Variants in GLIPR1L1 observed in about 807,000 individuals in gnomAD.
GLIPR1L1 encodes GLIPR1 like 1.
A neutral mutation model predicts 29.9 loss-of-function variants in GLIPR1L1; 26 were observed. That is an observed-to-expected ratio of 0.87 (90% CI 0.64 to 1.21). The LOEUF (loss-of-function observed/expected upper bound fraction) is 1.21. Ranked by LOEUF, GLIPR1L1 falls within the 50% of genes most tolerant of loss-of-function variation. GLIPR1L1 has a pLI of 0.00. For missense variants in GLIPR1L1, 305 were observed against 290.3 expected (o/e 1.05, Z -0.37); for synonymous variants, 77 against 97.5 (o/e 0.79, Z 1.24).
At position 75,364,957 on chromosome 12, in the gene GLIPR1L1, T is replaced by C. The variant is rs1362245783; in HGVS notation, c.610+1767T>C. ...CAAATTATTTATGGTTAGAATGGAT[T>C]AAAAGGTGCCACATAACAGCTCAGA... is the stretch of plus-strand genomic sequence containing the variant. On this transcript the variant is annotated intron_variant, in intron 4 of 5. Transcript: ENST00000378695. 2.0e-5 allele frequency: 3 copies of C among 152,180 alleles called. No homozygotes were observed. In the East Asian group the frequency reaches 5.8e-4, roughly 29 times the overall value. The allele number at this position is 152,180 out of a possible 1,614,324, so 9.4% of individuals were successfully genotyped here.
At chr12:75,361,127 C>T (rs2043557257) in intron 3 of GLIPR1L1, 1 of 152,124 alleles carries the variant, frequency 6.6e-6, no homozygotes, top group Non-Finnish European at 1.5e-5. Flanking sequence ...GAAAGTACCT[C>T]TTTGTGGCTG....
chr12:75,346,613 A>T (rs1283486021), intron 2 of GLIPR1L1, among the ~76,000 whole-genome samples: 1 of 151,828 alleles, frequency 6.6e-6, no homozygotes, highest in Non-Finnish European at 1.5e-5. Context: ...CTGACCTCGA[A>T]CTCCTGACCT....
chr12:75,341,947 C>T (rs959870720), intron 1 of GLIPR1L1, among the ~76,000 whole-genome samples: 18 of 151,920 alleles, frequency 1.2e-4, no homozygotes, highest in African/African-American at 3.9e-4. Flanking sequence ...GGGGTTTCAC[C>T]CTGTTGGCCA....
chr12:75,366,094 T>C (rs1430537491), intron 4 of GLIPR1L1, among the ~76,000 whole-genome samples: 3 of 152,172 alleles, frequency 2.0e-5, no homozygotes, highest in Non-Finnish European at 1.5e-5. Flanking sequence ...ATTAAAGATT[T>C]TATTTAAGTC....
intron 4 of GLIPR1L1, among the ~76,000 whole-genome samples, chr12:75,363,666 G>A (rs1353456538): frequency 6.6e-6 from 1 of 151,942 alleles, no homozygotes; most frequent in South Asian, 2.1e-4. Flanking sequence ...GGGCAGTGAG[G>A]CCAGAGGAAA....
In GLIPR1L1 at chr12:75,363,090, T is replaced by C; in HGVS notation, c.522-12T>C. On this transcript the variant is annotated splice_polypyrimidine_tract_variant and intron_variant, in intron 3 of 5. Transcript: ENST00000378695. ...CAGCCATTTGGCTAATCAATGTTTC[T>C]CTTTTTTACAGAGGAAATTTTGCAA... 2 of 1,460,158 alleles carry C rather than the reference T, an allele frequency of 1.4e-6. No individual in the cohort carries two copies. Among genetic ancestry groups the C allele is most frequent in the Non-Finnish European group, 9.3e-7 (1 of 1,074,572 alleles). The allele number at this position is 1,460,158 out of a possible 1,614,324, so 90.5% of individuals were successfully genotyped here. A position where few individuals can be genotyped will look rare whatever the true frequency, so the allele number is the denominator to read the frequency against.
At chr12:75,366,627 C>T (rs4296072) in intron 4 of GLIPR1L1, among the ~76,000 whole-genome samples, 136,346 of 151,872 alleles carry the variant, frequency 0.9, 61,354 homozygotes, top group East Asian at 1. Context: ...CTTTCCTCTT[C>T]TTCAGATTGT....
chr12:75,367,232 C>A (rs1411729534), intron 4 of GLIPR1L1, among the ~76,000 whole-genome samples: 2 of 115,362 alleles, frequency 1.7e-5, no homozygotes, highest in Non-Finnish European at 3.4e-5. Context: ...TACCTCTAAA[C>A]TAGAATTAGG....
chr12:75,337,958 A>G (rs533239203), intron 1 of GLIPR1L1, among the ~76,000 whole-genome samples: 30 of 152,206 alleles, frequency 2.0e-4, no homozygotes, highest in African/African-American at 7.2e-4. Context: ...CTGCATCTTC[A>G]TCAATCTAAA....
At chr12:75,368,387 T>C (rs1381941440) in intron 4 of GLIPR1L1, among the ~76,000 whole-genome samples, 1 of 151,924 alleles carries the variant, frequency 6.6e-6, no homozygotes, top group Non-Finnish European at 1.5e-5. Flanking sequence ...TCTCTTGAAC[T>C]AATGCTACTT....
At position 75,343,945 on chromosome 12, in the gene GLIPR1L1, A is replaced by G; in HGVS notation, c.420+7A>G. On this transcript the variant is annotated splice_region_variant and intron_variant, in intron 2 of 5. Coordinates refer to ENST00000378695, the MANE Select transcript of GLIPR1L1 (RefSeq NM_001304964.2). ...CTGTGGCCATTATACACAGGTAAAT[A>G]TTTGACATCTTTATTGATTAGTTCT... 2 of 1,592,636 alleles carry G rather than the reference A, an allele frequency of 1.3e-6. No individual in the cohort carries two copies. The highest frequency in any genetic ancestry group is 1.7e-6 in the Non-Finnish European group (2 of 1,166,782).
intron 3 of GLIPR1L1, chr12:75,359,933 G>C (rs1177293066): frequency 6.6e-6 from 1 of 152,084 alleles, no homozygotes; most frequent in Non-Finnish European, 1.5e-5. Flanking sequence ...CATAGCTAGG[G>C]AGGCCTCAGA....
intron 1 of GLIPR1L1, among the ~76,000 whole-genome samples, chr12:75,340,147 AAT>A (rs1209602248): frequency 6.7e-6 from 1 of 149,782 alleles, no homozygotes; most frequent in African/African-American, 2.4e-5. Context: ...ATATATATAA[AAT>A]ATATATGTAT....
chr12:75,347,108 G>T (rs998286463), intron 2 of GLIPR1L1, among the ~76,000 whole-genome samples: 3 of 151,164 alleles, frequency 2.0e-5, no homozygotes, highest in Non-Finnish European at 4.4e-5. Context: ...CTTACAGCAG[G>T]CATCTTTGAA....
intron 1 of GLIPR1L1, among the ~76,000 whole-genome samples, chr12:75,343,009 A>T (rs1220224318): frequency 1.3e-5 from 2 of 151,758 alleles, no homozygotes; most frequent in Non-Finnish European, 2.9e-5. Flanking sequence ...AACTTCATTT[A>T]TTTTTATAGT....
At chr12:75,360,746 G>T (rs1319800094) in intron 3 of GLIPR1L1, 1 of 152,244 alleles carries the variant, frequency 6.6e-6, no homozygotes, top group Non-Finnish European at 1.5e-5. Flanking sequence ...CAGTGTGCCA[G>T]TGGGGACTCT....
intron 1 of GLIPR1L1, among the ~76,000 whole-genome samples, chr12:75,335,380 CTATT>C (rs2041657349): frequency 6.6e-6 from 1 of 152,100 alleles, no homozygotes; most frequent in Admixed American, 6.5e-5. Context: ...ATACAGTACT[CTATT>C]GAAGAATAAG....
chr12:75,364,711 A>G (rs1164986931), intron 4 of GLIPR1L1: 1 of 152,228 alleles, frequency 6.6e-6, no homozygotes, highest in Non-Finnish European at 1.5e-5. Flanking sequence ...TACACAGAAC[A>G]TAAGCATTAT....
At position 75,370,225 on chromosome 12, in the gene GLIPR1L1, G is replaced by C; in HGVS notation, c.*49G>C. On this transcript the variant is annotated 3_prime_UTR_variant, in exon 6 of 6. Coordinates refer to ENST00000378695, the MANE Select transcript of GLIPR1L1 (RefSeq NM_001304964.2). ...TCTCAAATGTTAAAATAAAGGAATA[G>C]TTTATTGCTTAATATAACTTATCAT... 1.3e-5 allele frequency: 12 copies of C among 942,726 alleles called. No individual in the cohort carries two copies. Among genetic ancestry groups the C allele is most frequent in the Non-Finnish European group, 1.9e-5 (11 of 586,232 alleles). The allele number at this position is 942,726 out of a possible 1,614,324, so 58.4% of individuals were successfully genotyped here.
Sources: allele counts gnomAD v4.1 joint callset (sites outside exome capture counted in the v4.1 genomes callset), GRCh38; gene constraint gnomAD v4.1.1; transcripts MANE v1.5; gene names NCBI Gene and HGNC (gene_info 2026-07-23, HGNC 2026-07-21).